The following SORCS3 variants were observed in gnomAD, a reference collection of about 807,000 sequenced individuals.
SORCS3 encodes the protein sortilin related VPS10 domain containing receptor 3, also known as VPS10 domain-containing receptor SorCS3.
In SORCS3, 57 loss-of-function variants were observed where a neutral mutation model predicts 146.3. The ratio of observed to expected loss-of-function variants is 0.39; its 90% confidence interval spans 0.31 to 0.49. SORCS3 has a LOEUF of 0.49. Among genes scored for constraint, SORCS3 ranks in the 20% least tolerant of loss-of-function variants. SORCS3 has a pLI of 0.92. For synonymous variants in SORCS3, 653 were observed against 618.5 expected, an observed-to-expected ratio of 1.06 and a Z score of -0.83; for missense variants, 1,341 against 1,575.5, an observed-to-expected ratio of 0.85 and a Z score of 2.52.
chr10:105,067,524 C>T (rs2055530268), intron 5 of SORCS3, among the ~76,000 whole-genome samples: 2 of 152,230 alleles, frequency 1.3e-5, no homozygotes, highest in South Asian at 2.1e-4. Flanking sequence ...GAGACTCCGT[C>T]TCAAATAAAT....
At chr10:104,986,372 A>G (rs1218504615) in intron 4 of SORCS3, among the ~76,000 whole-genome samples, 2 of 152,204 alleles carry the variant, frequency 1.3e-5, no homozygotes, top group African/African-American at 4.8e-5. Flanking sequence ...GCTTAATGGA[A>G]TGTTGTGGGT....
At chr10:105,081,360 G>A (rs1482349437) in intron 5 of SORCS3, among the ~76,000 whole-genome samples, 2 of 152,144 alleles carry the variant, frequency 1.3e-5, no homozygotes, top group African/African-American at 4.8e-5. Flanking sequence ...GTGTTATGAA[G>A]AGGCTGGTAC....
chr10:104,857,850 A>C (rs1389339301), intron 2 of SORCS3, among the ~76,000 whole-genome samples: 1 of 152,212 alleles, frequency 6.6e-6, no homozygotes, highest in African/African-American at 2.4e-5. Context: ...GCAGAGGATA[A>C]AGAAAGTGAC....
At chr10:105,204,710 A>AC (rs397734716) in intron 16 of SORCS3, among the ~76,000 whole-genome samples, 3 of 151,674 alleles carry the variant, frequency 2.0e-5, no homozygotes, top group Non-Finnish European at 4.4e-5. Flanking sequence ...CAAAAAAAAA[A>AC]CTCACACGAC....
At chr10:105,048,897 T>G (rs987196222) in intron 5 of SORCS3, among the ~76,000 whole-genome samples, 1 of 152,260 alleles carries the variant, frequency 6.6e-6, no homozygotes, top group African/African-American at 2.4e-5. Flanking sequence ...TTTTGTGTCA[T>G]TATAAAATCT....
chr10:104,894,080 C>A (rs1228992429), intron 2 of SORCS3, among the ~76,000 whole-genome samples: 13 of 152,196 alleles, frequency 8.5e-5, no homozygotes, highest in Admixed American at 6.5e-5. Flanking sequence ...TACTCACTGA[C>A]CAGGCTTCCT....
At chr10:104,954,822 T>C (rs992315508) in intron 3 of SORCS3, among the ~76,000 whole-genome samples, 2 of 152,184 alleles carry the variant, frequency 1.3e-5, no homozygotes, top group Admixed American at 6.5e-5. Context: ...GGGATTTCAT[T>C]AGGAGACTTA....
chr10:105,061,652 CAAAAAA>C (rs57641383), intron 5 of SORCS3, among the ~76,000 whole-genome samples: 1 of 132,576 alleles, frequency 7.5e-6, no homozygotes. Flanking sequence ...GACCCTATCT[CAAAAAA>C]AAAAAAAAAA....
chr10:105,223,155 C>T lies in SORCS3; in HGVS notation c.2774C>T (p.Ala925Val). ...EHVHLRVPFV[A>V]IRNKEVNISA... ...GTTCATCTCCGAGTTCCATTTGTTG[C>T]CATAAGAAATAAGGAGGTCAACATC... Residue 925 changes from alanine (A) to valine (V), a missense_variant, in exon 20 of 27, where the codon GCC becomes GTC. Transcript: ENST00000369701. The T allele has an allele frequency of 1.2e-6, 2 of 1,611,502 alleles. No individual in the cohort carries two copies. The highest frequency in any genetic ancestry group is 1.7e-6 in the Non-Finnish European group (2 of 1,178,098).
At chr10:104,689,742 A>G (rs2016091105) in intron 1 of SORCS3, among the ~76,000 whole-genome samples, 1 of 152,134 alleles carries the variant, frequency 6.6e-6, no homozygotes, top group Non-Finnish European at 1.5e-5. Context: ...CTTCACCATC[A>G]TATACCCAAC....
rs373497923 is a variant in SORCS3 at position 104,698,603 on chromosome 10, A to C, written c.627+56649A>C. On this transcript the variant is annotated intron_variant, in intron 1 of 26. Transcript: ENST00000369701. ...CACACTGCTCCCACAAATTAAATAA[A>C]AAGTTATTTTGGAAGAAAGACGGAT... Among the ~76,000 whole-genome samples the C allele has an allele frequency of 7.2e-5, 11 of 152,184 alleles. No homozygotes were observed. The East Asian group carries it at 1.2e-3, about 16-fold the overall frequency.
intron 2 of SORCS3, among the ~76,000 whole-genome samples, chr10:104,870,079 A>G (rs1017566370): frequency 1.3e-5 from 2 of 152,162 alleles, no homozygotes; most frequent in African/African-American, 4.8e-5. Flanking sequence ...TATTGCTGTC[A>G]TTATCATTAT....
At chr10:105,173,069 A>G (rs12358021) in intron 13 of SORCS3, among the ~76,000 whole-genome samples, 14,748 of 152,218 alleles carry the variant, frequency 0.097, 855 homozygotes, top group Admixed American at 0.16. Flanking sequence ...TCCATCCATC[A>G]AAAGGTCTTC....
intron 1 of SORCS3, among the ~76,000 whole-genome samples, chr10:104,661,123 T>C (rs2015694725): frequency 6.6e-6 from 1 of 152,212 alleles, no homozygotes; most frequent in Non-Finnish European, 1.5e-5. Context: ...CTCTGTTCTT[T>C]ACACAATTAA....
Position 105,159,004 on chromosome 10 carries a change from A to G in SORCS3, c.1732+10A>G. 1.3e-6 allele frequency: 2 copies of G among 1,575,624 alleles called. No homozygotes were observed. The highest frequency in any genetic ancestry group is 1.7e-6 in the Non-Finnish European group (2 of 1,146,884). On this transcript the variant is annotated intron_variant, in intron 11 of 26. Transcript: ENST00000369701. ...CTTGTGGTGGCTACAGGTAAGAAAA[A>G]CATTCCCTGTGCTTCTTCCTTACTG...
chr10:104,989,091 G>T (rs910448445), intron 4 of SORCS3, among the ~76,000 whole-genome samples: 6 of 152,222 alleles, frequency 3.9e-5, no homozygotes, highest in Non-Finnish European at 7.3e-5. Flanking sequence ...TTAATTGGAA[G>T]CATTGTGAAG....
intron 14 of SORCS3, among the ~76,000 whole-genome samples, chr10:105,189,293 G>A (rs2056498583): frequency 6.6e-6 from 1 of 152,146 alleles, no homozygotes. Flanking sequence ...CTCTGGATAG[G>A]AGTAGGCTCA....
At chr10:104,772,127 C>T (rs992281039) in intron 1 of SORCS3, among the ~76,000 whole-genome samples, 1 of 152,112 alleles carries the variant, frequency 6.6e-6, no homozygotes, top group African/African-American at 2.4e-5. Flanking sequence ...CGGGAACACT[C>T]CCTGCCTGTC....
intron 3 of SORCS3, among the ~76,000 whole-genome samples, chr10:104,921,990 G>C (rs1208185884): frequency 6.6e-6 from 1 of 152,202 alleles, no homozygotes; most frequent in South Asian, 2.1e-4. Flanking sequence ...CTACCCTGCA[G>C]AAATATAGTG....
Sources: gnomAD v4.1 joint callset for allele counts (sites outside exome capture counted in the v4.1 genomes callset) on GRCh38, gnomAD v4.1.1 for gene constraint, MANE v1.5 for transcripts, NCBI Gene and HGNC (gene_info 2026-07-23, HGNC 2026-07-21) for gene names.